The following LHFPL3 variants were observed in gnomAD, a reference collection of about 807,000 sequenced individuals.
LHFPL3 encodes LHFPL tetraspan subfamily member 3 protein.
Under a neutral mutation model 19.3 loss-of-function variants are expected in LHFPL3, and 5 were observed. The ratio of observed to expected loss-of-function variants is 0.26; its 90% CI spans 0.14 to 0.54. The LOEUF (loss-of-function observed/expected upper bound fraction) is 0.54, where lower values mean the gene tolerates loss of function less well. Ranked by LOEUF, LHFPL3 falls within the 20% of genes least tolerant of loss-of-function variation. The probability of loss-of-function intolerance (pLI) is 0.94; values close to 1 mark genes in which losing one functional copy is unlikely to be tolerated. For synonymous variants in LHFPL3, 133 were observed against 126.2 expected (o/e 1.05, Z -0.36); for missense variants, 249 against 307.4 (o/e 0.81, Z 1.42).
At chr7:104,567,072 G>C (rs1790137829) in intron 1 of LHFPL3, among the ~76,000 whole-genome samples, 2 of 152,152 alleles carry the variant, frequency 1.3e-5, no homozygotes, top group South Asian at 4.1e-4. Context: ...ATTTTCCATA[G>C]CTTGAATACA....
intron 2 of LHFPL3, among the ~76,000 whole-genome samples, chr7:104,901,897 A>C (rs759434030): frequency 3.3e-5 from 5 of 151,878 alleles, no homozygotes; most frequent in Non-Finnish European, 5.9e-5. Flanking sequence ...CACTCACCTC[A>C]CACTTGCATG....
At chr7:104,713,254 G>C (rs1056762027) in intron 1 of LHFPL3, among the ~76,000 whole-genome samples, 13 of 152,218 alleles carry the variant, frequency 8.5e-5, no homozygotes, top group African/African-American at 2.9e-4. Context: ...AGTGTAACAT[G>C]TTGGAATGTA....
chr7:104,733,973 A>G (rs1373556307), intron 1 of LHFPL3, among the ~76,000 whole-genome samples: 1 of 152,086 alleles, frequency 6.6e-6, no homozygotes, highest in Non-Finnish European at 1.5e-5. Context: ...TTTCTCCTTC[A>G]CTTATGAAGC....
intron 1 of LHFPL3, among the ~76,000 whole-genome samples, chr7:104,491,341 C>T (rs1003214389): frequency 1.3e-5 from 2 of 152,078 alleles, no homozygotes; most frequent in African/African-American, 2.4e-5. Context: ...TTCCCCCTCC[C>T]CTACCCCCCA....
chr7:104,733,147 T>C (rs1793736378), intron 1 of LHFPL3, among the ~76,000 whole-genome samples: 1 of 152,232 alleles, frequency 6.6e-6, no homozygotes, highest in Non-Finnish European at 1.5e-5. Context: ...CTTCCAACTA[T>C]GTGGTCAATT....
intron 2 of LHFPL3, among the ~76,000 whole-genome samples, chr7:104,828,843 T>G (rs180919774): frequency 6.6e-6 from 1 of 151,750 alleles, no homozygotes; most frequent in East Asian, 1.9e-4. Flanking sequence ...GAGACCAGCC[T>G]GGCCAACATG....
At position 104,382,927 on chromosome 7, in the gene LHFPL3, G is replaced by A. The variant is rs1204210375; in HGVS notation, c.445+53703G>A. Among the ~76,000 whole-genome samples the A allele has an allele frequency of 1.3e-4, 4 of 31,618 alleles. No homozygotes were observed. In the African/African-American group the frequency reaches 1.4e-3, roughly 11 times the overall value. The allele number at this position is 31,618 out of a possible 152,430, so 20.7% of individuals were successfully genotyped here. ...TAATCAAAATGCCTATTGCATACTT[G>A]TTGCATGCCAGTCACTCTTCACAGT... On this transcript the variant is annotated intron_variant, in intron 1 of 2. Coordinates refer to ENST00000424859, the MANE Select transcript of LHFPL3 (RefSeq NM_199000.3).
intron 1 of LHFPL3, among the ~76,000 whole-genome samples, chr7:104,642,275 T>C (rs1225933349): frequency 6.6e-6 from 1 of 152,000 alleles, no homozygotes; most frequent in Non-Finnish European, 1.5e-5. Flanking sequence ...TTGCCTCAAG[T>C]GATCCGCCCA....
At chr7:104,705,406 C>G (rs1456643674) in intron 1 of LHFPL3, among the ~76,000 whole-genome samples, 1 of 152,146 alleles carries the variant, frequency 6.6e-6, no homozygotes, top group Non-Finnish European at 1.5e-5. Flanking sequence ...CAGCCATCAT[C>G]TTCAGTTTGA....
chr7:104,456,804 A>G (rs982969767), intron 1 of LHFPL3, among the ~76,000 whole-genome samples: 5 of 152,222 alleles, frequency 3.3e-5, no homozygotes, highest in African/African-American at 7.2e-5. Context: ...GGTGGGGAGC[A>G]TCTACAACAT....
At chr7:104,585,480 A>AACAGACACACACACAC (rs1790552028) in intron 1 of LHFPL3, among the ~76,000 whole-genome samples, 1 of 123,362 alleles carries the variant, frequency 8.1e-6, no homozygotes, top group South Asian at 3.0e-4. Flanking sequence ...AACACACACA[A>AACAGACACACACACAC]ACACACACAC....
At chr7:104,489,883 A>T (rs563615177) in intron 1 of LHFPL3, among the ~76,000 whole-genome samples, 1 of 152,172 alleles carries the variant, frequency 6.6e-6, no homozygotes, top group African/African-American at 2.4e-5. Context: ...ACAAACAGCT[A>T]TGCAGATTTC....
chr7:104,442,357 A>G (rs1363846252), intron 1 of LHFPL3, among the ~76,000 whole-genome samples: 1 of 151,550 alleles, frequency 6.6e-6, no homozygotes, highest in Non-Finnish European at 1.5e-5. Flanking sequence ...TTCAGCCTAT[A>G]TATCTAGATA....
At chr7:104,827,617 T>G (rs1279876613) in intron 2 of LHFPL3, among the ~76,000 whole-genome samples, 4 of 151,482 alleles carry the variant, frequency 2.6e-5, no homozygotes, top group East Asian at 1.9e-4. Context: ...GTTTTGTTTT[T>G]TTTTTTGATT....
chr7:104,802,491 CAAAAAAAAAAAA>C (rs920866759), intron 2 of LHFPL3, among the ~76,000 whole-genome samples: 1 of 65,510 alleles, frequency 1.5e-5, no homozygotes, highest in African/African-American at 5.9e-5. Context: ...AACCCTATCT[CAAAAAAAAAAAA>C]AAAAAAAAAA....
intron 2 of LHFPL3, among the ~76,000 whole-genome samples, chr7:104,769,642 A>T (rs61115409): frequency 2.1e-4 from 30 of 143,306 alleles, no homozygotes; most frequent in African/African-American, 7.4e-4. Context: ...CCGGTGTGTG[A>T]TGTTCCCCTC....
chr7:104,351,441 T>C (rs755471126), intron 1 of LHFPL3, among the ~76,000 whole-genome samples: 18 of 152,192 alleles, frequency 1.2e-4, no homozygotes, highest in Non-Finnish European at 1.9e-4. Context: ...CTTCAAGGGA[T>C]TGCAGGATCA....
At chr7:104,634,722 G>C (rs1418121139) in intron 1 of LHFPL3, among the ~76,000 whole-genome samples, 1 of 152,112 alleles carries the variant, frequency 6.6e-6, no homozygotes, top group Non-Finnish European at 1.5e-5. Flanking sequence ...AAGAACTACA[G>C]GTCCTTAAAT....
At chr7:104,905,328 T>C (rs1382994094) in intron 2 of LHFPL3, among the ~76,000 whole-genome samples, 2 of 152,118 alleles carry the variant, frequency 1.3e-5, no homozygotes, top group African/African-American at 4.8e-5. Flanking sequence ...ATCAGAAACC[T>C]TCCTATATGT....
Sources: allele counts gnomAD v4.1 joint callset (sites outside exome capture counted in the v4.1 genomes callset), GRCh38; gene constraint gnomAD v4.1.1; transcripts MANE v1.5; gene names NCBI Gene and HGNC (gene_info 2026-07-23, HGNC 2026-07-21).